Variants in USP7 observed in about 807,000 individuals in gnomAD.
USP7 encodes ubiquitin specific peptidase 7, also known as ubiquitin C-terminal hydrolase 7.
A neutral mutation model predicts 162.9 loss-of-function variants in USP7; 9 were observed. That is an observed-to-expected ratio of 0.06 (90% confidence interval 0.03 to 0.10). The LOEUF (loss-of-function observed/expected upper bound fraction) is 0.10, where lower values mean the gene tolerates loss of function less well. Among genes scored for constraint, USP7 ranks in the 10% least tolerant of loss-of-function variants. The probability of loss-of-function intolerance (pLI) is 1.00; values close to 1 mark genes in which losing one functional copy is unlikely to be tolerated. For missense variants in USP7, 715 were observed against 1,373.7 expected, an observed-to-expected ratio of 0.52 and a Z score of 7.58; for synonymous variants, 562 against 475.9, an observed-to-expected ratio of 1.18 and a Z score of -2.35.
intron 2 of USP7, among the ~76,000 whole-genome samples, chr16:8,926,165 A>AC: frequency 6.6e-6 from 1 of 151,510 alleles, no homozygotes; most frequent in African/African-American, 2.4e-5. Context: ...AAAAAAAAAA[A>AC]AAAGAAAATT....
At chr16:8,897,252 T>C in intron 25 of USP7, 153 bp from the exon 26 acceptor site, 1 of 632,248 alleles carries the variant, frequency 1.6e-6, no homozygotes, top group Non-Finnish European at 2.8e-6. Flanking sequence ...CTCCCTCATC[T>C]GTGAATTCAC....
Position 8,893,482 on chromosome 16 carries a change from A to G in USP7, c.*516T>C, listed in dbSNP as rs942665704. The G allele has an allele frequency of 6.4e-6, 1 of 155,224 alleles. No individual in the cohort carries two copies. Among genetic ancestry groups the G allele is most frequent in the African/African-American group, 2.4e-5 (1 of 41,486 alleles). The allele number at this position is 155,224 out of a possible 1,614,324, so 9.6% of individuals were successfully genotyped here. ...AGGAGAACCCGAGGAAGGGCCGACA[A>G]TGCACACAATGAAGGGAAGAGCGCT... is the stretch of plus-strand genomic sequence containing the variant. On this transcript the variant is annotated 3_prime_UTR_variant, in exon 31 of 31. Coordinates refer to ENST00000344836, the MANE Select transcript of USP7 (RefSeq NM_003470.3).
At chr16:8,896,823 C>T (rs2257181) in intron 26 of USP7, among the ~76,000 whole-genome samples, 176 bp downstream of exon 26, 2 of 152,186 alleles carry the variant, frequency 1.3e-5, no homozygotes, top group African/African-American at 4.8e-5. Context: ...TGGAGCAACA[C>T]TGGGTCTGTG....
chr16:8,957,528 G>C (rs1183095473), intron 1 of USP7, among the ~76,000 whole-genome samples: 1 of 151,290 alleles, frequency 6.6e-6, no homozygotes, highest in African/African-American at 2.4e-5. Flanking sequence ...AGGATTGCTT[G>C]AGACCAGGAA....
chr16:8,905,119 G>A, intron 14 of USP7, 68 bp downstream of exon 14: 2 of 1,548,836 alleles, frequency 1.3e-6, no homozygotes, highest in Non-Finnish European at 8.9e-7. Context: ...AAAGGATATT[G>A]GAGATTCATG....
In USP7 at chr16:8,920,467, A is replaced by T; in HGVS notation, c.523-20T>A. ...CACTTCCTATAAAACATAAATAAGA[A>T]TATCCAGCTTGAATAAGAACACACA... On this transcript the variant is annotated intron_variant, in intron 4 of 30. Coordinates refer to ENST00000344836, the MANE Select transcript of USP7 (RefSeq NM_003470.3). The T allele has an allele frequency of 6.3e-7, 1 of 1,595,132 alleles. No individual in the cohort carries two copies. The highest frequency in any genetic ancestry group is 8.6e-7 in the Non-Finnish European group (1 of 1,167,730).
At chr16:8,903,758 T>G (rs759868690) in intron 15 of USP7, among the ~76,000 whole-genome samples, 5 of 150,356 alleles carry the variant, frequency 3.3e-5, no homozygotes, top group African/African-American at 4.9e-5. Flanking sequence ...TCCCAGCTAC[T>G]AGGAAGGCTG....
chr16:8,898,795 C>T, intron 23 of USP7, 156 bp from the exon 24 acceptor site: 1 of 642,066 alleles, frequency 1.6e-6, no homozygotes. Flanking sequence ...TTCCCAAGAA[C>T]TAAGTCCCAC....
At chr16:8,936,650 G>A (rs1898747355) in intron 1 of USP7, 1 of 1,552,936 alleles carries the variant, frequency 6.4e-7, no homozygotes, top group Admixed American at 1.9e-5. Context: ...GCTGGGGGAT[G>A]GGGGAGGTTC....
rs1444594602 is a variant in USP7, at chr16:8,902,499, G to C, written c.1840-17C>G. On this transcript the variant is annotated splice_polypyrimidine_tract_variant and intron_variant, in intron 16 of 30. Transcript: ENST00000344836. ...TGGAAATCCCTGAAAAAAATATTAA[G>C]AGTAGATTAAAATAAAAACACGCTC... 2 of 1,606,886 alleles carry C rather than the reference G, an allele frequency of 1.2e-6. No homozygotes were observed. Among genetic ancestry groups the C allele is most frequent in the East Asian group, 2.2e-5 (1 of 44,816 alleles).
intron 12 of USP7, among the ~76,000 whole-genome samples, chr16:8,907,269 G>A (rs758661660): frequency 2.0e-5 from 3 of 152,212 alleles, no homozygotes; most frequent in Non-Finnish European, 4.4e-5. Context: ...AACAAAGTGA[G>A]GATCCAAAGA....
intron 25 of USP7, among the ~76,000 whole-genome samples, chr16:8,897,708 A>C (rs1326957054): frequency 6.2e-5 from 2 of 32,166 alleles, no homozygotes; most frequent in Non-Finnish European, 1.2e-4. Flanking sequence ...CAAAAAAAAA[A>C]AAAAAAAAAA....
At position 8,893,237 on chromosome 16, in the gene USP7, T is replaced by C. The variant is rs2061627917; in HGVS notation, c.*761A>G. 1 of 152,270 alleles carries C rather than the reference T, an allele frequency of 6.6e-6. No individual in the cohort carries two copies. The highest frequency in any genetic ancestry group is 6.5e-5 in the Admixed American group (1 of 15,286). 9.4% of individuals were successfully genotyped at this position (152,270 alleles called of 1,614,324 possible). On this transcript the variant is annotated 3_prime_UTR_variant, in exon 31 of 31. Transcript: ENST00000344836. ...TTCCACTTTAACGAAATTCTATTTA[T>C]AATCCTTTCACCTGCTCGTATGAAC... is the stretch of plus-strand genomic sequence containing the variant.
chr16:8,941,053 G>T (rs1899023943), intron 1 of USP7, among the ~76,000 whole-genome samples: 1 of 152,176 alleles, frequency 6.6e-6, no homozygotes, highest in Admixed American at 6.5e-5. Flanking sequence ...CCACTGATTG[G>T]AAAGTGGTAG....
chr16:8,895,267 A>C, intron 27 of USP7, 117 bp from the exon 28 acceptor site: 3 of 1,501,262 alleles, frequency 2.0e-6, no homozygotes, highest in Non-Finnish European at 2.7e-6. Context: ...TTGCTAAAAA[A>C]ACGCCACACC....
At position 8,915,238 on chromosome 16, in the gene USP7, T is replaced by G. The variant is rs1212101336; in HGVS notation, c.1078+16A>C. 2 of 1,573,350 alleles carry G rather than the reference T, an allele frequency of 1.3e-6. No homozygotes were observed. Among genetic ancestry groups the G allele is most frequent in the Admixed American group, 1.9e-5 (1 of 52,124 alleles). ...ATCATCAAAAGATCATGCCATTAGA[T>G]ACACACAACACTTACTATTTTTCTT... On this transcript the variant is annotated intron_variant, in intron 10 of 30. Coordinates refer to ENST00000344836, the MANE Select transcript of USP7 (RefSeq NM_003470.3).
chr16:8,901,857 G>T, intron 18 of USP7: 1 of 564,250 alleles, frequency 1.8e-6, no homozygotes, highest in Non-Finnish European at 3.2e-6. Context: ...ACTGAAGACA[G>T]AACAGGACGG....
At chr16:8,926,871 TCTCA>T (rs1016549909) in intron 2 of USP7, among the ~76,000 whole-genome samples, 118 of 152,314 alleles carry the variant, frequency 7.7e-4, no homozygotes, top group African/African-American at 2.5e-3. Context: ...CCTTGATAAC[TCTCA>T]CTACCTTCCA....
Position 8,907,132 on chromosome 16 carries a change from G to A in USP7, c.1272-550C>T, listed in dbSNP as rs543605234. On this transcript the variant is annotated intron_variant, in intron 12 of 30. Transcript: ENST00000344836. ...AGCCACCACTCAGCTCACAGCCCCTGCGGCCTTCAGGAATGGTGGCCTCAA... is the reference window on the plus strand; with the variant it reads ...AGCCACCACTCAGCTCACAGCCCCTACGGCCTTCAGGAATGGTGGCCTCAA... Among the ~76,000 whole-genome samples, 8 of 152,364 alleles carry A rather than the reference G, an allele frequency of 5.3e-5. No homozygotes were observed. The South Asian group carries it at 1.7e-3, about 32-fold the overall frequency.
Sources: gnomAD v4.1 joint callset for allele counts (sites outside exome capture counted in the v4.1 genomes callset) on GRCh38, gnomAD v4.1.1 for gene constraint, MANE v1.5 for transcripts, NCBI Gene and HGNC (gene_info 2026-07-23, HGNC 2026-07-21) for gene names.